ARMC2: variants seen among roughly 807,000 people sequenced by gnomAD.
ARMC2 encodes armadillo repeat containing 2, also known as armadillo repeat-containing protein 2.
Under a neutral mutation model 90.3 loss-of-function variants are expected in ARMC2, and 67 were observed. The observed-to-expected ratio is 0.74, with a 90% CI of 0.61 to 0.91. The LOEUF is 0.91. ARMC2 is among the 40% of genes least tolerant of loss of function. The pLI is 0.00. For synonymous variants in ARMC2, 393 were observed against 393.0 expected, an observed-to-expected ratio of 1.00 and a Z score of 0.00; for missense variants, 920 against 1,030.9, an observed-to-expected ratio of 0.89 and a Z score of 1.47.
At position 108,965,112 on chromosome 6, in the gene ARMC2, A is replaced by G. The variant is rs1778269093; in HGVS notation, c.2418A>G (p.Thr806=). 1 of 1,611,708 alleles carries G rather than the reference A, an allele frequency of 6.2e-7. No homozygotes were observed. The highest frequency in any genetic ancestry group is 1.3e-5 in the African/African-American group (1 of 74,790). Residue 806 remains threonine (T), a synonymous_variant, in exon 17 of 18, where the codon ACA becomes ACG. Coordinates refer to ENST00000392644, the MANE Select transcript of ARMC2 (RefSeq NM_032131.6). ...GTTTTGGAAATGAAGACACCAACAC[A>G]CTCTTACTCTTGCTCTCATCATTTT... is the stretch of plus-strand genomic sequence containing the variant. ...SSCFGNEDTN[T]LLLLLSSFLD... is the part of the protein sequence containing the mutation.
chr6:108,933,422 C>T (rs913925518), intron 11 of ARMC2, among the ~76,000 whole-genome samples: 10 of 152,004 alleles, frequency 6.6e-5, no homozygotes, highest in Non-Finnish European at 1.5e-4. Flanking sequence ...GATTTTGTAT[C>T]CTGAAACTGC....
chr6:108,851,170 C>T (rs1319513976), intron 1 of ARMC2, among the ~76,000 whole-genome samples: 1 of 152,098 alleles, frequency 6.6e-6, no homozygotes, highest in Non-Finnish European at 1.5e-5. Flanking sequence ...CTTGTCCACA[C>T]ACACCCTGTA....
the ARMC2 span, chr6:108,987,404 A>G: frequency 7.4e-6 from 4 of 541,068 alleles, no homozygotes; most frequent in African/African-American, 7.7e-5. Context: ...TCCACAGAAA[A>G]ATAGCAGAAA....
the ARMC2 span, chr6:108,990,818 A>G: frequency 1.9e-6 from 3 of 1,613,894 alleles, no homozygotes; most frequent in Non-Finnish European, 2.5e-6. Flanking sequence ...AATAACCATG[A>G]TCTTCCCAGC....
chr6:108,962,194 A>G, intron 15 of ARMC2, 67 bp downstream of exon 15: 1 of 1,237,256 alleles, frequency 8.1e-7, no homozygotes, highest in Non-Finnish European at 1.2e-6. Flanking sequence ...GTGGTTTTGC[A>G]GCTTGAGTCA....
chr6:108,869,963 C>T lies in ARMC2; in HGVS notation c.463+968C>T, dbSNP rs74929931. Among the ~76,000 whole-genome samples the T allele has an allele frequency of 6.1e-3, 929 of 152,222 alleles. 19 individuals are homozygous for T. Among genetic ancestry groups the T allele is most frequent in the Non-Finnish European group, 5.4e-3 (369 of 68,006 alleles). On this transcript the variant is annotated intron_variant, in intron 4 of 17. Transcript: ENST00000392644. ...AGAAAATGTCAGAATACATGACACA[C>T]GATAGGGGTAAGTATTGCTTCAAGA...
In ARMC2 at chr6:108,953,278, T is replaced by G; in HGVS notation, c.1842T>G (p.Ile614Met). The change falls in exon 13 of 18, where the codon ATT becomes ATG. Residue 614 changes from isoleucine to methionine, a missense_variant. Physicochemically the swap from Ile to Met is conservative, Grantham distance 10. Coordinates refer to ENST00000392644, the MANE Select transcript of ARMC2 (RefSeq NM_032131.6). ...LIKLTRVLAN[I>M]AIHPGVGPVL... The stretch of plus-strand genomic sequence containing the variant: ...AGCTGACTCGTGTGCTGGCCAACAT[T>G]GCCATCCACCCGGGCGTGGGCCCGG... The G allele has an allele frequency of 6.2e-7, 1 of 1,612,880 alleles. No individual in the cohort carries two copies. Among genetic ancestry groups the G allele is most frequent in the Non-Finnish European group, 8.5e-7 (1 of 1,179,878 alleles).
the ARMC2 span, among the ~76,000 whole-genome samples, chr6:109,034,302 AATGGT>A: frequency 3.3e-5 from 5 of 152,232 alleles, no homozygotes; most frequent in Admixed American, 3.3e-4. Context: ...TGGTATTTGT[AATGGT>A]ATAATTACTT....
chr6:108,997,019 T>TA, the ARMC2 span, among the ~76,000 whole-genome samples: 1 of 152,118 alleles, frequency 6.6e-6, no homozygotes, highest in Non-Finnish European at 1.5e-5. Flanking sequence ...AATGAATAAG[T>TA]AGTTTCCAGG....
the ARMC2 span, among the ~76,000 whole-genome samples, chr6:109,032,212 C>T: frequency 5.2e-4 from 79 of 152,116 alleles, no homozygotes; most frequent in African/African-American, 1.9e-3. Context: ...GCGGAGGTTG[C>T]GGTGAGCTGA....
chr6:108,905,742 A>G (rs573161195), intron 8 of ARMC2, among the ~76,000 whole-genome samples: 1 of 152,348 alleles, frequency 6.6e-6, no homozygotes, highest in African/African-American at 2.4e-5. Flanking sequence ...TGAACTAAAC[A>G]TATGATTAGA....
intron 12 of ARMC2, among the ~76,000 whole-genome samples, chr6:108,943,637 G>A (rs1776607581): frequency 6.6e-6 from 1 of 151,806 alleles, no homozygotes; most frequent in Non-Finnish European, 1.5e-5. Context: ...TGGGCAACAT[G>A]GTAAAACTCT....
At chr6:109,030,041 T>A in the ARMC2 span, among the ~76,000 whole-genome samples, 1 of 152,186 alleles carries the variant, frequency 6.6e-6, no homozygotes, top group Non-Finnish European at 1.5e-5. Context: ...CCAATATAAG[T>A]GGCAGGTAAA....
At chr6:108,919,085 CA>C in intron 10 of ARMC2, among the ~76,000 whole-genome samples, 1 of 152,148 alleles carries the variant, frequency 6.6e-6, no homozygotes, top group East Asian at 1.9e-4. Context: ...TGATGGACCC[CA>C]ATTCTCAGAG....
chr6:108,889,398 G>A (rs1193032312), intron 5 of ARMC2, among the ~76,000 whole-genome samples: 3 of 151,544 alleles, frequency 2.0e-5, no homozygotes, highest in South Asian at 2.1e-4. Flanking sequence ...CGCCTGCCTC[G>A]GCCTCCCAAA....
At chr6:108,923,634 T>C (rs62427189) in intron 10 of ARMC2, among the ~76,000 whole-genome samples, 9 of 144,648 alleles carry the variant, frequency 6.2e-5, no homozygotes, top group East Asian at 2.0e-4. Flanking sequence ...TTTTTTTTTT[T>C]CCTGCATTTT....
At chr6:108,927,361 A>G (rs1775185262) in intron 10 of ARMC2, among the ~76,000 whole-genome samples, 3 of 152,234 alleles carry the variant, frequency 2.0e-5, no homozygotes, top group Admixed American at 2.0e-4. Context: ...CTGGGAGGTT[A>G]AATAACTAAC....
the ARMC2 span, among the ~76,000 whole-genome samples, chr6:108,983,895 G>A: frequency 2.6e-5 from 4 of 152,152 alleles, no homozygotes; most frequent in African/African-American, 9.7e-5. Flanking sequence ...TACAGCAGGG[G>A]TCCCCAACCC....
In ARMC2 at chr6:108,974,190, T is replaced by C. The variant is rs1187102228; in HGVS notation, c.*676T>C. On this transcript the variant is annotated 3_prime_UTR_variant, in exon 18 of 18. Coordinates refer to ENST00000392644, the MANE Select transcript of ARMC2 (RefSeq NM_032131.6). ...AGGTGAGGTAATGTATTAGAAAGAA[T>C]GCAGGCTTAGGTGAATGGTATACCT... 1.3e-5 allele frequency: 2 copies of C among 152,246 alleles called. No homozygotes were observed. Among genetic ancestry groups the C allele is most frequent in the African/African-American group, 2.4e-5 (1 of 41,476 alleles). The allele number at this position is 152,246 out of a possible 1,614,324, so 9.4% of individuals were successfully genotyped here. A position where few individuals can be genotyped will look rare whatever the true frequency, so the allele number is the denominator to read the frequency against.
Sources: gnomAD v4.1 joint callset for allele counts (sites outside exome capture counted in the v4.1 genomes callset) on GRCh38, gnomAD v4.1.1 for gene constraint, MANE v1.5 for transcripts, NCBI Gene and HGNC (gene_info 2026-07-23, HGNC 2026-07-21) for gene names.